DNAH6: variants seen among roughly 807,000 people sequenced by gnomAD.
DNAH6 encodes the protein axonemal beta dynein heavy chain 6.
Under a neutral mutation model 491.4 loss-of-function variants are expected in DNAH6, and 340 were observed. The observed-to-expected ratio is 0.69, with a 90% confidence interval of 0.63 to 0.76. DNAH6 has a LOEUF of 0.76. Ranked by LOEUF, DNAH6 falls within the 30% of genes least tolerant of loss-of-function variation. The pLI is 0.00. For synonymous variants in DNAH6, 1,603 were observed against 1,686.1 expected (o/e 0.95, Z 1.21); for missense variants, 4,443 against 4,972.2 (o/e 0.89, Z 3.20).
At chr2:84,568,342 G>GT (rs1243711604) in intron 11 of DNAH6, among the ~76,000 whole-genome samples, 3 of 152,054 alleles carry the variant, frequency 2.0e-5, no homozygotes, top group African/African-American at 7.2e-5. Flanking sequence ...GTGATAGACT[G>GT]GATAAAGAAA....
chr2:84,554,524 T>G (rs986715689), intron 10 of DNAH6, among the ~76,000 whole-genome samples: 7 of 152,188 alleles, frequency 4.6e-5, no homozygotes, highest in African/African-American at 1.7e-4. Context: ...GATCTCTAGA[T>G]TTTAGTCCTG....
intron 2 of DNAH6, among the ~76,000 whole-genome samples, chr2:84,522,817 A>G (rs542220639): frequency 6.6e-6 from 1 of 152,222 alleles, no homozygotes; most frequent in East Asian, 1.9e-4. Context: ...GATAAAGCCT[A>G]ATTGATCATG....
At chr2:84,651,219 G>A (rs144442106) in intron 33 of DNAH6, among the ~76,000 whole-genome samples, 1,679 of 152,270 alleles carry the variant, frequency 0.011, 18 homozygotes, top group Non-Finnish European at 0.015. Flanking sequence ...ACCTGTCAGA[G>A]AGCAGAAGGG....
At chr2:84,796,856 C>A (rs778089162) in intron 69 of DNAH6, among the ~76,000 whole-genome samples, 30 of 152,000 alleles carry the variant, frequency 2.0e-4, no homozygotes, top group Admixed American at 9.2e-4. Context: ...ATTATTATTA[C>A]TACTATATAA....
chr2:84,672,272 A>T, intron 39 of DNAH6, 55 bp from the exon 40 acceptor site: 1 of 1,510,682 alleles, frequency 6.6e-7, no homozygotes, highest in Non-Finnish European at 8.9e-7. Context: ...GCTTTGTCTT[A>T]CATTTTCTAA....
chr2:84,529,028 G>T lies in DNAH6; in HGVS notation c.524G>T (p.Arg175Leu). 1.3e-6 allele frequency: 2 copies of T among 1,551,306 alleles called. No homozygotes were observed. The highest frequency in any genetic ancestry group is 1.7e-6 in the Non-Finnish European group (2 of 1,146,764). ...SAYPKYTFHD[R>L]EEVVKANIRD... Reference sequence around the variant, plus strand: ...TACCCTAAGTACACTTTTCACGACCGAGAAGAAGTTGTTAAAGCCAACATT... The same window carrying T: ...TACCCTAAGTACACTTTTCACGACCTAGAAGAAGTTGTTAAAGCCAACATT... Residue 175 changes from arginine (R) to leucine (L), a missense_variant, in exon 4 of 77, where the codon CGA (arginine) becomes CTA (leucine). This residue lies in a region of DNAH6 where 2,977 missense variants were observed against 3,296.6 expected (regional missense o/e 0.90). Transcript: ENST00000389394.
intron 62 of DNAH6, among the ~76,000 whole-genome samples, chr2:84,741,993 G>A (rs140366223): frequency 1.1e-3 from 171 of 152,306 alleles, no homozygotes; most frequent in African/African-American, 3.9e-3. Context: ...TCCTGGCTGC[G>A]CAAGCTAACT....
chr2:84,654,680 C>T lies in DNAH6; in HGVS notation c.5655C>T (p.Ala1885=). ...TTTAGGTGCAAGATCTGCGGGTTGC[C>T]TCCCCTGCAACAGTCAGTCGATGTG... ...MLFEVQDLRV[A]SPATVSRCGM... The change falls in exon 35 of 77, where the codon GCC becomes GCT. Residue 1885 remains alanine (A), a synonymous_variant. Coordinates refer to ENST00000389394, the MANE Select transcript of DNAH6 (RefSeq NM_001370.2). 1.9e-6 allele frequency: 3 copies of T among 1,550,760 alleles called. No individual in the cohort carries two copies. The highest frequency in any genetic ancestry group is 1.7e-6 in the Non-Finnish European group (2 of 1,146,256).
At chr2:84,663,145 G>C (rs1573400692) in intron 37 of DNAH6, among the ~76,000 whole-genome samples, 1 of 152,318 alleles carries the variant, frequency 6.6e-6, no homozygotes, top group East Asian at 1.9e-4. Flanking sequence ...AGAAACCAGA[G>C]CAGAAAAGCT....
chr2:84,685,191 A>G (rs751097144), intron 42 of DNAH6, 135 bp from the exon 43 acceptor site: 41 of 532,752 alleles, frequency 7.7e-5, no homozygotes, highest in Non-Finnish European at 7.4e-5. Context: ...GTATATGTGT[A>G]TATCCACTGG....
chr2:84,699,773 C>G lies in DNAH6; in HGVS notation c.7818+39C>G, dbSNP rs920898856. 3.2e-6 allele frequency: 5 copies of G among 1,542,116 alleles called. No homozygotes were observed. In the African/African-American group the frequency reaches 4.1e-5, roughly 13 times the overall value. ...CAGGATATCTCTTTGAGAAGTTGGA[C>G]TTGCTTGACTTTAAAGGGGTAACAC... On this transcript the variant is annotated intron_variant, in intron 48 of 76. Transcript: ENST00000389394.
At chr2:84,742,984 T>TC (rs35594772) in intron 62 of DNAH6, among the ~76,000 whole-genome samples, 2 of 152,102 alleles carry the variant, frequency 1.3e-5, no homozygotes, top group African/African-American at 4.8e-5. Flanking sequence ...AAAAGTGCAT[T>TC]CCCCCCTAGT....
intron 63 of DNAH6, among the ~76,000 whole-genome samples, chr2:84,756,921 A>T (rs762018406): frequency 6.6e-5 from 10 of 152,218 alleles, no homozygotes; most frequent in Admixed American, 2.6e-4. Flanking sequence ...ATAGAGTCAC[A>T]TATATCATAA....
In DNAH6 at chr2:84,692,390, T is replaced by G. The variant is rs566280393; in HGVS notation, c.7293-1859T>G. On this transcript the variant is annotated intron_variant, in intron 45 of 76. Coordinates refer to ENST00000389394, the MANE Select transcript of DNAH6 (RefSeq NM_001370.2). ...ATTTTAAAATATTTGAACATTGTTT[T>G]CTTCAATTATCAACAATATAAATAA... Among the ~76,000 whole-genome samples, 9 of 152,108 alleles carry G rather than the reference T, an allele frequency of 5.9e-5. No individual in the cohort carries two copies. The East Asian group carries it at 1.5e-3, about 26-fold the overall frequency.
At chr2:84,774,842 T>C (rs1484040871) in intron 64 of DNAH6, among the ~76,000 whole-genome samples, 1 of 152,194 alleles carries the variant, frequency 6.6e-6, no homozygotes, top group African/African-American at 2.4e-5. Flanking sequence ...TCAGTTTAAA[T>C]GTTATCGTTG....
chr2:84,814,669 C>A (rs2105346318), intron 75 of DNAH6, among the ~76,000 whole-genome samples: 1 of 152,316 alleles, frequency 6.6e-6, no homozygotes, highest in African/African-American at 2.4e-5. Flanking sequence ...CACACTCCAT[C>A]TGCCACAGAG....
At chr2:84,676,272 C>T (rs1693227162) in intron 40 of DNAH6, among the ~76,000 whole-genome samples, 1 of 152,232 alleles carries the variant, frequency 6.6e-6, no homozygotes, top group Non-Finnish European at 1.5e-5. Flanking sequence ...CTGTAAACAA[C>T]TGCCCTTTTC....
rs76368204 is a variant in DNAH6, at chr2:84,569,296, A to G, written c.1804-4171A>G. On this transcript the variant is annotated intron_variant, in intron 11 of 76. Coordinates refer to ENST00000389394, the MANE Select transcript of DNAH6 (RefSeq NM_001370.2). ...AAGTACAAAAGAATATCTATAGTAT[A>G]CTATAGATATTCAGAAGTTTATGTC... 4.2e-3 allele frequency among the ~76,000 whole-genome samples: 636 copies of G among 152,252 alleles called. 4 individuals carry two copies. Among genetic ancestry groups the G allele is most frequent in the Non-Finnish European group, 7.4e-3 (502 of 68,000 alleles).
chr2:84,532,149 G>A (rs1045812655), intron 4 of DNAH6, among the ~76,000 whole-genome samples: 2 of 152,100 alleles, frequency 1.3e-5, no homozygotes, highest in African/African-American at 2.4e-5. Context: ...ACAATATAAA[G>A]TATTGAAGAG....
Sources: allele counts gnomAD v4.1 joint callset (sites outside exome capture counted in the v4.1 genomes callset), GRCh38; gene constraint gnomAD v4.1.1; regional missense constraint gnomAD v4.1.1; transcripts MANE v1.5; gene names NCBI Gene and HGNC (gene_info 2026-07-23, HGNC 2026-07-21).